The following INTS14 variants were observed in gnomAD, a reference collection of about 807,000 sequenced individuals.
INTS14 encodes the protein UPF0464 protein C15orf44.
Under a neutral mutation model 56.9 loss-of-function variants are expected in INTS14, and 27 were observed. The observed-to-expected ratio is 0.47, with a 90% CI of 0.35 to 0.65. INTS14 has a LOEUF of 0.65. Ranked by LOEUF, INTS14 falls within the 30% of genes least tolerant of loss-of-function variation. The pLI, the probability that INTS14 is intolerant of heterozygous loss-of-function variation, is 0.00. For synonymous variants in INTS14, 207 were observed against 236.2 expected (o/e 0.88, Z 1.13); for missense variants, 517 against 632.2 (o/e 0.82, Z 1.95).
chr15:65,586,995 T>G (rs1227979102), intron 9 of INTS14: 1 of 152,100 alleles, frequency 6.6e-6, no homozygotes, highest in Non-Finnish European at 1.5e-5. Flanking sequence ...AAAATACAGT[T>G]CAGGGTCAAA....
intron 3 of INTS14, 124 bp downstream of exon 3, chr15:65,605,005 C>A (rs774347561): frequency 4.0e-5 from 29 of 727,408 alleles, no homozygotes; most frequent in Non-Finnish European, 5.0e-5. Flanking sequence ...TAAGAAGATA[C>A]CAATAGTGTA....
intron 8 of INTS14, among the ~76,000 whole-genome samples, chr15:65,593,016 G>A (rs2073082952): frequency 6.6e-6 from 1 of 152,038 alleles, no homozygotes; most frequent in Non-Finnish European, 1.5e-5. Context: ...AGCATTTTGG[G>A]AGGCCAAGGT....
chr15:65,594,396 T>C (rs2073135570), intron 7 of INTS14, among the ~76,000 whole-genome samples: 1 of 143,506 alleles, frequency 7.0e-6, no homozygotes, highest in African/African-American at 2.5e-5. Flanking sequence ...TCTTTTTCTT[T>C]CTTTTTTTTT....
chr15:65,608,364 CAAAAAAAAAA>C lies in INTS14; in HGVS notation c.-62-932_-62-923del, dbSNP rs35399300. On this transcript the variant is annotated intron_variant, in intron 1 of 11. Coordinates refer to ENST00000313182, the MANE Select transcript of INTS14 (RefSeq NM_001394796.1). ...TGGGTGACAGACGAAGGCTCCATCT[CAAAAAAAAAA>C]AAAAAAAAAAAAAAATTTATACAGC... is the stretch of plus-strand genomic sequence containing the variant. Among the ~76,000 whole-genome samples the C allele has an allele frequency of 6.2e-5, 4 of 64,038 alleles. No individual in the cohort carries two copies. The South Asian group carries it at 1.9e-3, about 30-fold the overall frequency. The allele number at this position is 64,038 out of a possible 152,430, so 42.0% of individuals were successfully genotyped here.
At position 65,593,530 on chromosome 15, in the gene INTS14, T is replaced by C. The variant is rs767722767; in HGVS notation, c.884A>G (p.Asp295Gly). The C allele has an allele frequency of 6.2e-7, 1 of 1,614,046 alleles. No individual in the cohort carries two copies. The highest frequency in any genetic ancestry group is 8.5e-7 in the Non-Finnish European group (1 of 1,179,982). ...TGCAATCTGATTGGCTGAATTTTCA[T>C]CTTCATTGTCATCAGTGATGCCAGT... ...VGTGITDDNE[D>G]ENSANQIAGK... The change falls in exon 8 of 12, where the codon GAT becomes GGT. Residue 295 changes from aspartate (D) to glycine (G), a missense_variant. Physicochemically the swap from Asp to Gly is moderately conservative, Grantham distance 94. Coordinates refer to ENST00000313182, the MANE Select transcript of INTS14 (RefSeq NM_001394796.1).
intron 3 of INTS14, among the ~76,000 whole-genome samples, chr15:65,601,894 A>G (rs1250241019): frequency 6.6e-6 from 1 of 152,214 alleles, no homozygotes; most frequent in Non-Finnish European, 1.5e-5. Flanking sequence ...ACTTTACTAA[A>G]TAATAAAGAC....
At chr15:65,609,243 G>A (rs1006156739) in intron 1 of INTS14, among the ~76,000 whole-genome samples, 3 of 152,194 alleles carry the variant, frequency 2.0e-5, no homozygotes, top group South Asian at 2.1e-4. Flanking sequence ...GTGAGCCACC[G>A]CGCCCAGCCA....
intron 1 of INTS14, among the ~76,000 whole-genome samples, chr15:65,608,306 G>A (rs781110565): frequency 1.2e-4 from 18 of 144,936 alleles, no homozygotes; most frequent in South Asian, 2.2e-4. Flanking sequence ...GTAGTGAGCC[G>A]AGATCGTGCC....
Position 65,584,807 on chromosome 15 carries a change from T to C in INTS14, c.1202A>G (p.Gln401Arg). Residue 401 changes from glutamine to arginine, a missense_variant, in exon 10 of 12, where the codon CAG becomes CGG. Gln to Arg is a conservative substitution (Grantham distance 43). Coordinates refer to ENST00000313182, the MANE Select transcript of INTS14 (RefSeq NM_001394796.1). ...LQPKNKRSYA[Q>R]NVTVWIKPSG... ...GGGTTTGATCCAGACAGTCACATTC[T>C]GGGCATAACTGCGTTTGTTTTTGGG... 6.2e-7 allele frequency: 1 copy of C among 1,613,516 alleles called. No homozygotes were observed. The highest frequency in any genetic ancestry group is 8.5e-7 in the Non-Finnish European group (1 of 1,179,706).
intron 3 of INTS14, among the ~76,000 whole-genome samples, chr15:65,601,455 G>A (rs964262385): frequency 2.0e-5 from 3 of 152,104 alleles, no homozygotes; most frequent in Non-Finnish European, 4.4e-5. Flanking sequence ...TGATTCTCCT[G>A]CCTCAGCCTC....
At chr15:65,582,908 A>G (rs999696807) in intron 10 of INTS14, among the ~76,000 whole-genome samples, 2 of 152,198 alleles carry the variant, frequency 1.3e-5, no homozygotes, top group African/African-American at 4.8e-5. Flanking sequence ...TCTCCAAATA[A>G]TATACACAAA....
intron 1 of INTS14, 135 bp downstream of exon 1, chr15:65,610,959 CACAG>C (rs746015769): frequency 4.2e-4 from 620 of 1,480,644 alleles, no homozygotes; most frequent in Admixed American, 7.4e-4. Flanking sequence ...ACTGGCGCCT[CACAG>C]ACAGCGCGGG....
intron 9 of INTS14, chr15:65,586,780 C>T (rs1331925970): frequency 7.2e-5 from 11 of 151,848 alleles, no homozygotes; most frequent in Admixed American, 5.9e-4. Context: ...ATTACAAACA[C>T]AAATCACAAA....
Position 65,579,539 on chromosome 15 carries a change from C to T in INTS14, c.1426G>A (p.Ala476Thr), listed in dbSNP as rs1238039095. Residue 476 changes from alanine to threonine, a missense_variant, in exon 12 of 12, where the codon GCA becomes ACA. Transcript: ENST00000313182. ...TGGGCAGCATGGGTCAGCTGGAATG[C>T]AGCATCAGGGTGGGCTGTCTCAGGC... ...LLPETAHPDAAFQLTHAAQQL... is the reference protein window; with the variant it reads ...LLPETAHPDATFQLTHAAQQL... The T allele has an allele frequency of 1.2e-6, 2 of 1,614,212 alleles. No individual in the cohort carries two copies. The highest frequency in any genetic ancestry group is 1.7e-6 in the Non-Finnish European group (2 of 1,180,048).
intron 3 of INTS14, among the ~76,000 whole-genome samples, chr15:65,601,356 T>G (rs2073427148): frequency 6.6e-6 from 1 of 152,134 alleles, no homozygotes; most frequent in Admixed American, 6.5e-5. Flanking sequence ...CAGTATTTTT[T>G]TTTTGACAAG....
chr15:65,593,071 A>C (rs1379808798), intron 8 of INTS14, among the ~76,000 whole-genome samples: 1 of 151,132 alleles, frequency 6.6e-6, no homozygotes, highest in East Asian at 1.9e-4. Flanking sequence ...TGTGGGCAAC[A>C]CAGTGAGACC....
chr15:65,581,968 G>C lies in INTS14; in HGVS notation c.1291C>G (p.Gln431Glu), dbSNP rs778407091. The C allele has an allele frequency of 1.2e-6, 2 of 1,612,894 alleles. No individual in the cohort carries two copies. Among genetic ancestry groups the C allele is most frequent in the Admixed American group, 3.3e-5 (2 of 59,836 alleles). ...GTCTGTCTCACCTTATAGAATGTCTGTGTTTTTTCAGGTAGTTTCCTTGCA... is the reference window on the plus strand; with the variant it reads ...GTCTGTCTCACCTTATAGAATGTCTCTGTTTTTTCAGGTAGTTTCCTTGCA... The part of the protein sequence containing the change: ...RNARKLPEKT[Q>E]TFYKELNRLR... Residue 431 changes from glutamine to glutamate, a missense_variant, in exon 11 of 12, where the codon CAG becomes GAG. Coordinates refer to ENST00000313182, the MANE Select transcript of INTS14 (RefSeq NM_001394796.1).
Position 65,607,291 on chromosome 15 carries a change from T to A in INTS14, c.90A>T (p.Leu30=). The A allele has an allele frequency of 6.2e-7, 1 of 1,614,210 alleles. No homozygotes were observed. Among genetic ancestry groups the A allele is most frequent in the Non-Finnish European group, 8.5e-7 (1 of 1,180,036 alleles). The stretch of plus-strand genomic sequence containing the variant: ...ACAGCATCGTTAAACCATGGGCTGC[T>A]AGGTGCTTACGCTGGTATTCCTCGG... ...EGSEEYQRKH[L]AAHGLTMLFE... The change falls in exon 2 of 12, where the codon CTA becomes CTT. Residue 30 remains leucine, a synonymous_variant. Transcript: ENST00000313182.
chr15:65,586,459 C>T (rs2072828501), intron 9 of INTS14: 1 of 152,132 alleles, frequency 6.6e-6, no homozygotes, highest in African/African-American at 2.4e-5. Context: ...CCTATCTTAC[C>T]CCTTCCATGA....
Sources: allele counts gnomAD v4.1 joint callset (sites outside exome capture counted in the v4.1 genomes callset), GRCh38; gene constraint gnomAD v4.1.1; transcripts MANE v1.5; gene names NCBI Gene and HGNC (gene_info 2026-07-23, HGNC 2026-07-21).